LAMA3: variants seen among roughly 807,000 people sequenced by gnomAD.
The protein encoded by LAMA3 is laminin subunit alpha-3.
LAMA3 carries 281 observed loss-of-function variants against 402.0 expected under a neutral mutation model. The observed-to-expected ratio is 0.70, with a 90% CI of 0.63 to 0.77. The LOEUF (loss-of-function observed/expected upper bound fraction) is 0.77. Ranked by LOEUF, LAMA3 falls within the 30% of genes least tolerant of loss-of-function variation. The pLI is 0.00. For missense variants in LAMA3, 3,840 were observed against 4,215.5 expected (o/e 0.91, Z 2.47); for synonymous variants, 1,431 against 1,558.4 (o/e 0.92, Z 1.93).
At chr18:23,931,238 A>G (rs1280421883) in intron 65 of LAMA3, 37 bp downstream of exon 65, 14 of 1,591,012 alleles carry the variant, frequency 8.8e-6, no homozygotes, top group Non-Finnish European at 1.2e-5. Context: ...GCTGTGAGTG[A>G]GTTTTACTCT....
chr18:23,914,210 TA>T (rs760995491), intron 56 of LAMA3, among the ~76,000 whole-genome samples, 199 bp from the exon 57 acceptor site: 3 of 152,236 alleles, frequency 2.0e-5, no homozygotes, highest in Non-Finnish European at 4.4e-5. Flanking sequence ...GAGTGCCCTA[TA>T]ACATGAGCAG....
chr18:23,813,654 T>C (rs1399577004), intron 14 of LAMA3, among the ~76,000 whole-genome samples: 1 of 151,098 alleles, frequency 6.6e-6, no homozygotes, highest in Non-Finnish European at 1.5e-5. Context: ...GCGATTCTTG[T>C]GCCTCAGCCT....
At chr18:23,893,162 T>C (rs367764923) in intron 42 of LAMA3, among the ~76,000 whole-genome samples, 1 of 152,142 alleles carries the variant, frequency 6.6e-6, no homozygotes, top group Admixed American at 6.6e-5. Flanking sequence ...TATTGGCTGG[T>C]GAGAATAACA....
At chr18:23,697,438 G>A (rs2060704878) in intron 1 of LAMA3, among the ~76,000 whole-genome samples, 1 of 152,148 alleles carries the variant, frequency 6.6e-6, no homozygotes, top group South Asian at 2.1e-4. Context: ...CCTGACCCAG[G>A]AGCCTCTATT....
At chr18:23,934,548 T>A (rs1047765350) in intron 67 of LAMA3, among the ~76,000 whole-genome samples, 8 of 152,284 alleles carry the variant, frequency 5.3e-5, no homozygotes, top group African/African-American at 1.9e-4. Context: ...GAACACAGGA[T>A]CAGGGTTTAA....
Position 23,955,027 on chromosome 18 carries a change from T to C in LAMA3, c.*379T>C, listed in dbSNP as rs2083063221. 1 of 264,512 alleles carries C rather than the reference T, an allele frequency of 3.8e-6. No individual in the cohort carries two copies. The highest frequency in any genetic ancestry group is 2.3e-5 in the African/African-American group (1 of 43,920). The allele number at this position is 264,512 out of a possible 1,614,324, so 16.4% of individuals were successfully genotyped here. On this transcript the variant is annotated 3_prime_UTR_variant, in exon 75 of 75. Coordinates refer to ENST00000313654, the MANE Select transcript of LAMA3 (RefSeq NM_198129.4). The stretch of plus-strand genomic sequence containing the variant: ...GAAACTTTCATATATGTTAAAGGAT[T>C]ATAATTTATGGAATTAAAAAATGCA...
At chr18:23,934,484 G>A (rs370703714) in intron 67 of LAMA3, among the ~76,000 whole-genome samples, 1 of 152,174 alleles carries the variant, frequency 6.6e-6, no homozygotes, top group Non-Finnish European at 1.5e-5. Flanking sequence ...CACTCAGAGG[G>A]ACTGAGAGGA....
chr18:23,822,504 G>A (rs929130448), intron 20 of LAMA3, 129 bp downstream of exon 20: 10 of 952,338 alleles, frequency 1.1e-5, no homozygotes, highest in South Asian at 2.7e-5. Flanking sequence ...CTGGTTAGAC[G>A]GTTCTCTAGG....
At chr18:23,951,601 C>A in intron 72 of LAMA3, 83 bp from the exon 73 acceptor site, 1 of 1,078,106 alleles carries the variant, frequency 9.3e-7, no homozygotes, top group Non-Finnish European at 1.4e-6. Flanking sequence ...TCAGTTGGCC[C>A]GGTTTGGGGA....
chr18:23,796,980 C>T lies in LAMA3; in HGVS notation c.1603+12823C>T, dbSNP rs532852662. Among the ~76,000 whole-genome samples the T allele has an allele frequency of 3.3e-4, 50 of 152,286 alleles. No homozygotes were observed. In the South Asian group the frequency reaches 9.8e-3, roughly 30 times the overall value. ...CTGGAGGACACCAGCAGGCATGCTT[C>T]TGGCCCCGGTGGGTGAAGGTCTGGG... is the stretch of plus-strand genomic sequence containing the variant. On this transcript the variant is annotated intron_variant, in intron 12 of 74. Coordinates refer to ENST00000313654, the MANE Select transcript of LAMA3 (RefSeq NM_198129.4).
chr18:23,747,817 G>C (rs2061677381), intron 2 of LAMA3, 126 bp from the exon 3 acceptor site: 1 of 721,266 alleles, frequency 1.4e-6, no homozygotes, highest in African/African-American at 1.7e-5. Flanking sequence ...CAGGAATCAG[G>C]ATCGGGATCT....
intron 12 of LAMA3, among the ~76,000 whole-genome samples, chr18:23,788,924 A>G (rs1305094823): frequency 6.6e-6 from 1 of 151,400 alleles, no homozygotes; most frequent in Non-Finnish European, 1.5e-5. Context: ...AAATCTGGAT[A>G]TATTATTATA....
rs774157315 is a variant in LAMA3, at chr18:23,879,415, C to T, written c.5113-2521C>T. Among the ~76,000 whole-genome samples the T allele has an allele frequency of 1.2e-4, 19 of 152,226 alleles. No homozygotes were observed. Among genetic ancestry groups the T allele is most frequent in the Admixed American group, 5.2e-4 (8 of 15,282 alleles). On this transcript the variant is annotated intron_variant, in intron 39 of 74. Transcript: ENST00000313654. The surrounding 1 kb of genome is among the most constrained non-coding windows in gnomAD (Gnocchi z 4.2). ...AGTGAATCCCTGTCCTTCTGCGGCC[C>T]TCGCAGGCAGCCCCTCCTCCTGCTC...
intron 60 of LAMA3, 90 bp from the exon 61 acceptor site, chr18:23,920,845 A>T (rs201836471): frequency 1.3e-5 from 20 of 1,487,476 alleles, no homozygotes; most frequent in East Asian, 4.5e-5. Context: ...AGCTGAGAGC[A>T]GGGGGGTCTG....
chr18:23,704,586 C>T (rs931500710), intron 1 of LAMA3, among the ~76,000 whole-genome samples: 6 of 152,252 alleles, frequency 3.9e-5, no homozygotes, highest in Non-Finnish European at 8.8e-5. Flanking sequence ...CTTGCCCCAG[C>T]ATCTTTTGGT....
At chr18:23,937,951 A>C (rs2145448825) in intron 67 of LAMA3, among the ~76,000 whole-genome samples, 1 of 152,232 alleles carries the variant, frequency 6.6e-6, no homozygotes, top group Non-Finnish European at 1.5e-5. Context: ...GAATCAGAAA[A>C]CCCACTGCAA....
chr18:23,800,042 C>T, intron 12 of LAMA3, among the ~76,000 whole-genome samples: 1 of 152,220 alleles, frequency 6.6e-6, no homozygotes, highest in Non-Finnish European at 1.5e-5. Context: ...TTCACAGTGA[C>T]ATTTAGGCTG....
chr18:23,745,096 T>C (rs930112425), intron 2 of LAMA3, among the ~76,000 whole-genome samples: 1 of 152,192 alleles, frequency 6.6e-6, no homozygotes, highest in African/African-American at 2.4e-5. Flanking sequence ...AATATCCATG[T>C]TCTTGGAAGA....
At position 23,689,939 on chromosome 18, in the gene LAMA3, G is replaced by T; in HGVS notation, c.256G>T (p.Gly86Trp). ...PQPELYCKLV[G>W]GPTAPGSGHT... The stretch of plus-strand genomic sequence containing the variant: ...GCCCGAGCTCTACTGCAAGTTGGTC[G>T]GGGGCCCCACCGCCCCAGGCAGCGG... Residue 86 changes from glycine (G) to tryptophan (W), a missense_variant, in exon 1 of 75, where the codon GGG (glycine) becomes TGG (tryptophan). Physicochemically the swap from Gly to Trp is radical, Grantham distance 184. Around this residue, in one of 3 missense-constraint regions of LAMA3, gnomAD observed 2,109 missense variants for 2,376.0 expected, o/e 0.89. Coordinates refer to ENST00000313654, the MANE Select transcript of LAMA3 (RefSeq NM_198129.4). 6.6e-7 allele frequency: 1 copy of T among 1,523,652 alleles called. No homozygotes were observed. 94.4% of individuals were successfully genotyped at this position (1,523,652 alleles called of 1,614,324 possible).
Sources: allele counts gnomAD v4.1 joint callset (sites outside exome capture counted in the v4.1 genomes callset), GRCh38; gene constraint gnomAD v4.1.1; regional missense constraint gnomAD v4.1.1; non-coding constraint Gnocchi (gnomAD v3.1); transcripts MANE v1.5; gene names NCBI Gene and HGNC (gene_info 2026-07-23, HGNC 2026-07-21).